EFCAB13: variants seen among roughly 807,000 people sequenced by gnomAD.
EFCAB13 encodes EF-hand calcium-binding domain-containing protein 13.
EFCAB13 carries 91 observed loss-of-function variants against 110.2 expected under a neutral mutation model. That is an observed-to-expected ratio of 0.83 (90% CI 0.70 to 0.98). EFCAB13 has a LOEUF of 0.98. EFCAB13 is among the 50% of genes least tolerant of loss of function. EFCAB13 has a pLI of 0.00. For missense variants in EFCAB13, 968 were observed against 1,119.4 expected, an observed-to-expected ratio of 0.86 and a Z score of 1.93; for synonymous variants, 323 against 369.9, an observed-to-expected ratio of 0.87 and a Z score of 1.45.
intron 4 of EFCAB13, among the ~76,000 whole-genome samples, chr17:47,332,032 A>G (rs2065322405): frequency 6.6e-6 from 1 of 152,114 alleles, no homozygotes; most frequent in Non-Finnish European, 1.5e-5. Context: ...TAAACATCCA[A>G]TTGTAGGTTT....
intron 10 of EFCAB13, among the ~76,000 whole-genome samples, chr17:47,368,792 A>G (rs16941928): frequency 0.088 from 13,365 of 152,232 alleles, 845 homozygotes; most frequent in East Asian, 0.35. Flanking sequence ...TGGTTTATGA[A>G]ATATTATGGG....
chr17:47,428,133 T>C (rs1905023900), intron 23 of EFCAB13, among the ~76,000 whole-genome samples: 1 of 151,992 alleles, frequency 6.6e-6, no homozygotes, highest in African/African-American at 2.4e-5. Context: ...TTGACTATGA[T>C]TTTTGAAATC....
intron 23 of EFCAB13, among the ~76,000 whole-genome samples, chr17:47,426,183 T>G (rs1904950570): frequency 6.6e-6 from 1 of 152,212 alleles, no homozygotes. Flanking sequence ...TGGACTCTAT[T>G]ACGTGAAGTA....
chr17:47,397,661 G>C (rs1344554261), intron 17 of EFCAB13, among the ~76,000 whole-genome samples: 1 of 150,898 alleles, frequency 6.6e-6, no homozygotes, highest in South Asian at 2.1e-4. Context: ...CCTCTACCCC[G>C]CCGCCCCGCC....
intron 23 of EFCAB13, among the ~76,000 whole-genome samples, chr17:47,416,381 A>G (rs1367697995): frequency 6.6e-6 from 1 of 151,944 alleles, no homozygotes; most frequent in Non-Finnish European, 1.5e-5. Context: ...ATCATATTGT[A>G]TTTTTTTGTG....
intron 21 of EFCAB13, among the ~76,000 whole-genome samples, chr17:47,410,109 T>C (rs575930626): frequency 4.1e-4 from 61 of 150,064 alleles, no homozygotes; most frequent in African/African-American, 1.4e-3. Flanking sequence ...ACAGACTGGA[T>C]AATTTGTATA....
intron 10 of EFCAB13, among the ~76,000 whole-genome samples, chr17:47,363,171 A>G (rs1250356928): frequency 6.6e-6 from 1 of 152,160 alleles, no homozygotes; most frequent in Non-Finnish European, 1.5e-5. Flanking sequence ...TCCTAGGCTC[A>G]ATAATCCTCC....
chr17:47,325,923 A>AATATATATATAC, intron 2 of EFCAB13, among the ~76,000 whole-genome samples: 1 of 102,564 alleles, frequency 9.8e-6, no homozygotes, highest in African/African-American at 3.8e-5. Context: ...ATATAAACAA[A>AATATATATATAC]ATATATATAT....
rs779735709 is a variant in EFCAB13, at chr17:47,440,587, T to C, written c.2795T>C (p.Ile932Thr). The change falls in exon 25 of 25, where the codon ATA (isoleucine) becomes ACA (threonine). Residue 932 changes from isoleucine (I) to threonine (T), a missense_variant. Transcript: ENST00000331493. ...VYMLKTIQDS[I>T]VKAQVSKKQY... ...ATGTTAAAAACAATACAGGATTCGA[T>C]AGTTAAAGCACAGGTAAGTAAGAAG... 22 of 1,613,234 alleles carry C rather than the reference T, an allele frequency of 1.4e-5. No individual in the cohort carries two copies. Among genetic ancestry groups the C allele is most frequent in the Non-Finnish European group, 1.4e-5 (17 of 1,179,608 alleles).
intron 14 of EFCAB13, among the ~76,000 whole-genome samples, chr17:47,381,822 G>T (rs943874674): frequency 1.3e-5 from 2 of 152,130 alleles, no homozygotes; most frequent in South Asian, 4.1e-4. Context: ...TTTTGCTTAG[G>T]ATTGTCTTGG....
intron 20 of EFCAB13, among the ~76,000 whole-genome samples, chr17:47,405,941 G>T (rs2065803075): frequency 6.6e-6 from 1 of 151,502 alleles, no homozygotes; most frequent in Admixed American, 6.6e-5. Flanking sequence ...TAATAAACAT[G>T]TTTAAGGCAG....
intron 2 of EFCAB13, among the ~76,000 whole-genome samples, chr17:47,325,665 T>C (rs1214749268): frequency 2.6e-5 from 4 of 151,994 alleles, no homozygotes; most frequent in Non-Finnish European, 4.4e-5. Flanking sequence ...TTCCCTAAGA[T>C]ATTAATCAGC....
At chr17:47,346,444 C>CA (rs2065417203) in intron 8 of EFCAB13, among the ~76,000 whole-genome samples, 1 of 138,126 alleles carries the variant, frequency 7.2e-6, no homozygotes, top group Admixed American at 7.4e-5. Flanking sequence ...CCCCCCCCCC[C>CA]ATTTATCTGA....
At chr17:47,418,388 A>C (rs1904521915) in intron 23 of EFCAB13, among the ~76,000 whole-genome samples, 1 of 152,068 alleles carries the variant, frequency 6.6e-6, no homozygotes, top group Non-Finnish European at 1.5e-5. Context: ...CTCCTCAGTG[A>C]TTTTCTGGAT....
At position 47,394,014 on chromosome 17, in the gene EFCAB13, T is replaced by TA. The variant is rs761491868; in HGVS notation, c.1727-11_1727-10insA. On this transcript the variant is annotated splice_polypyrimidine_tract_variant and intron_variant, in intron 15 of 24. Transcript: ENST00000331493. ...AAAGATGCCAAAAAAATGTGTTTCTTTTTCCTGTAGAAACAAAAAAAGTGA... is the reference window on the plus strand; with the variant it reads ...AAAGATGCCAAAAAAATGTGTTTCTTATTTCCTGTAGAAACAAAAAAAGTGA... 8.7e-5 allele frequency: 132 copies of TA among 1,518,326 alleles called. No individual in the cohort carries two copies. The African/African-American group carries it at 1.7e-3, about 20-fold the overall frequency. 94.1% of individuals were successfully genotyped at this position (1,518,326 alleles called of 1,614,324 possible).
intron 9 of EFCAB13, 74 bp downstream of exon 9, chr17:47,348,025 A>G: frequency 8.4e-7 from 1 of 1,193,166 alleles, no homozygotes; most frequent in Non-Finnish European, 1.1e-6. Flanking sequence ...ATTACAAATG[A>G]TAGGAAAGCT....
intron 14 of EFCAB13, among the ~76,000 whole-genome samples, chr17:47,379,860 A>G (rs1297364028): frequency 6.6e-6 from 1 of 152,216 alleles, no homozygotes; most frequent in East Asian, 1.9e-4. Context: ...AAAACGAAAG[A>G]TAAGCTTTTT....
At chr17:47,372,412 A>G (rs2065590064) in intron 11 of EFCAB13, among the ~76,000 whole-genome samples, 2 of 152,194 alleles carry the variant, frequency 1.3e-5, no homozygotes, top group South Asian at 2.1e-4. Flanking sequence ...ACAGATTTTT[A>G]TATTGTTTCC....
Position 47,374,663 on chromosome 17 carries a change from T to A in EFCAB13, c.1069T>A (p.Ser357Thr). The change falls in exon 12 of 25, where the codon TCT becomes ACT. Residue 357 changes from serine to threonine, a missense_variant. Coordinates refer to ENST00000331493, the MANE Select transcript of EFCAB13 (RefSeq NM_152347.5). ...AATTATGGAGAATGATGACCTTGAA[T>A]CTAAAAGACCAAAAAATACTTGGCA... is the stretch of plus-strand genomic sequence containing the variant. ...SKIMENDDLE[S>T]KRPKNTWQIR... 1 of 1,610,828 alleles carries A rather than the reference T, an allele frequency of 6.2e-7. No homozygotes were observed. Among genetic ancestry groups the A allele is most frequent in the Non-Finnish European group, 8.5e-7 (1 of 1,179,278 alleles).
Sources: gnomAD v4.1 joint callset for allele counts (sites outside exome capture counted in the v4.1 genomes callset) on GRCh38, gnomAD v4.1.1 for gene constraint, MANE v1.5 for transcripts, NCBI Gene and HGNC (gene_info 2026-07-23, HGNC 2026-07-21) for gene names.